The following JCHAIN variants were observed in gnomAD, a reference collection of about 807,000 sequenced individuals.
JCHAIN encodes immunoglobulin J chain.
A neutral mutation model predicts 11.1 loss-of-function variants in JCHAIN; 5 were observed. The observed-to-expected ratio is 0.45, with a 90% confidence interval of 0.24 to 0.95. The LOEUF (loss-of-function observed/expected upper bound fraction) is 0.95, where lower values mean the gene tolerates loss of function less well. Ranked by LOEUF, JCHAIN falls within the 40% of genes least tolerant of loss-of-function variation. JCHAIN has a pLI of 0.21. For missense variants in JCHAIN, 165 were observed against 192.7 expected (o/e 0.86, Z 0.85); for synonymous variants, 51 against 67.8 (o/e 0.75, Z 1.22).
At chr4:70,660,540 C>T (rs976884347) in intron 2 of JCHAIN, among the ~76,000 whole-genome samples, 9 of 151,982 alleles carry the variant, frequency 5.9e-5, no homozygotes, top group Non-Finnish European at 8.8e-5. Flanking sequence ...CCTGCCACCA[C>T]GCCCGGATAA....
chr4:70,664,309 C>T (rs1171979944), intron 1 of JCHAIN, among the ~76,000 whole-genome samples: 3 of 151,818 alleles, frequency 2.0e-5, no homozygotes, highest in African/African-American at 7.3e-5. Context: ...TGACCTTTAA[C>T]AATTCCTCTC....
intron 2 of JCHAIN, among the ~76,000 whole-genome samples, chr4:70,660,198 G>A (rs1217029657): frequency 6.6e-6 from 1 of 152,004 alleles, no homozygotes; most frequent in East Asian, 1.9e-4. Flanking sequence ...AAGCTATGTG[G>A]GCAGGATCTG....
At chr4:70,659,287 C>T (rs1490304284) in intron 2 of JCHAIN, among the ~76,000 whole-genome samples, 3 of 151,764 alleles carry the variant, frequency 2.0e-5, no homozygotes, top group Admixed American at 6.6e-5. Flanking sequence ...TGGTGGCTCA[C>T]GCCTGTAATC....
intron 2 of JCHAIN, among the ~76,000 whole-genome samples, chr4:70,660,530 C>G (rs1577979118): frequency 6.6e-6 from 1 of 151,976 alleles, no homozygotes; most frequent in African/African-American, 2.4e-5. Context: ...ATTACAGGCA[C>G]CTGCCACCAC....
chr4:70,657,799 G>A (rs1274244559), intron 2 of JCHAIN, among the ~76,000 whole-genome samples: 1 of 152,042 alleles, frequency 6.6e-6, no homozygotes, highest in Non-Finnish European at 1.5e-5. Context: ...TATGTGAAAT[G>A]GACAGACAGA....
chr4:70,659,035 AC>A (rs1739006089), intron 2 of JCHAIN, among the ~76,000 whole-genome samples: 1 of 152,354 alleles, frequency 6.6e-6, no homozygotes, highest in Non-Finnish European at 1.5e-5. Context: ...TCTTAATAAG[AC>A]TGTAAAGACT....
At chr4:70,665,727 T>C (rs1560412118) in intron 1 of JCHAIN, 1 of 153,458 alleles carries the variant, frequency 6.5e-6, no homozygotes, top group African/African-American at 2.4e-5. Context: ...GTATAAAATA[T>C]ATATATAAGG....
At chr4:70,656,650 G>A (rs2148527266) in intron 3 of JCHAIN, 111 bp from the exon 4 acceptor site, 1 of 735,596 alleles carries the variant, frequency 1.4e-6, no homozygotes, top group Non-Finnish European at 2.4e-6. Context: ...ATGACAGCAA[G>A]GGATGACTCC....
chr4:70,661,450 G>T (rs1447220414), intron 2 of JCHAIN, among the ~76,000 whole-genome samples: 1 of 152,166 alleles, frequency 6.6e-6, no homozygotes, highest in Non-Finnish European at 1.5e-5. Context: ...GTTATCTGAA[G>T]TTTCAGTTTG....
At chr4:70,662,646 A>G in intron 1 of JCHAIN, among the ~76,000 whole-genome samples, 1 of 152,322 alleles carries the variant, frequency 6.6e-6, no homozygotes, top group Non-Finnish European at 1.5e-5. Flanking sequence ...TTCAATTTAA[A>G]AAAAGGCTAT....
At chr4:70,661,158 A>T (rs1360804173) in intron 2 of JCHAIN, among the ~76,000 whole-genome samples, 1 of 152,226 alleles carries the variant, frequency 6.6e-6, no homozygotes, top group South Asian at 2.1e-4. Flanking sequence ...TTGATTGGGG[A>T]AAAACTATTA....
intron 1 of JCHAIN, among the ~76,000 whole-genome samples, chr4:70,662,715 C>A (rs934441387): frequency 1.3e-4 from 20 of 152,088 alleles, no homozygotes; most frequent in Non-Finnish European, 2.6e-4. Flanking sequence ...AATCCCAGGA[C>A]TTTGGGAGGC....
chr4:70,661,263 G>C (rs986036703), intron 2 of JCHAIN, among the ~76,000 whole-genome samples: 1 of 152,100 alleles, frequency 6.6e-6, no homozygotes, highest in African/African-American at 2.4e-5. Context: ...TATTGAAAAA[G>C]AGCTGTATAG....
chr4:70,663,471 AC>A (rs1232659766), intron 1 of JCHAIN: 1 of 152,138 alleles, frequency 6.6e-6, no homozygotes, highest in African/African-American at 2.4e-5. Flanking sequence ...TGCTGGGATT[AC>A]AGAGCCACCG....
In JCHAIN at chr4:70,666,499, C is replaced by T; in HGVS notation, c.-9G>A. 6.2e-7 allele frequency: 1 copy of T among 1,610,046 alleles called. No homozygotes were observed. Among genetic ancestry groups the T allele is most frequent in the Non-Finnish European group, 8.5e-7 (1 of 1,176,462 alleles). On this transcript the variant is annotated 5_prime_UTR_variant, in exon 1 of 4. Coordinates refer to ENST00000254801, the MANE Select transcript of JCHAIN (RefSeq NM_144646.4). Reference sequence around the variant, plus strand: ...AGCAAATGGTTCTTCATCTTGACTTCACTTCTTCTGAAAAACTGGAGCAAA... The same window carrying T: ...AGCAAATGGTTCTTCATCTTGACTTTACTTCTTCTGAAAAACTGGAGCAAA...
chr4:70,657,976 C>G (rs73824826), intron 2 of JCHAIN, among the ~76,000 whole-genome samples: 1 of 152,054 alleles, frequency 6.6e-6, no homozygotes, highest in Admixed American at 6.6e-5. Context: ...TTAACTTTAA[C>G]ATTTTTTTCA....
chr4:70,660,793 A>G (rs1401770101), intron 2 of JCHAIN, among the ~76,000 whole-genome samples: 1 of 152,198 alleles, frequency 6.6e-6, no homozygotes, highest in Non-Finnish European at 1.5e-5. Flanking sequence ...AATATATCCT[A>G]AGGTCAATGT....
At chr4:70,658,086 C>T (rs779966991) in intron 2 of JCHAIN, among the ~76,000 whole-genome samples, 10 of 152,088 alleles carry the variant, frequency 6.6e-5, no homozygotes, top group Non-Finnish European at 1.5e-4. Flanking sequence ...CCATCCAAGC[C>T]AAAAACCTGG....
In JCHAIN at chr4:70,666,343, A is replaced by T. The variant is rs573278772; in HGVS notation, c.64+84T>A. 2.9e-5 allele frequency: 27 copies of T among 935,336 alleles called. 1 individual carries two copies. In the Admixed American group the frequency reaches 4.7e-4, roughly 16 times the overall value. 57.9% of individuals were successfully genotyped at this position (935,336 alleles called of 1,614,324 possible). On this transcript the variant is annotated intron_variant, in intron 1 of 3. Coordinates refer to ENST00000254801, the MANE Select transcript of JCHAIN (RefSeq NM_144646.4). ...AGCTGGCTAACTGGCCAACCAAAGCATAGGCATAAATGTTTAAAACTGAAA... is the reference window on the plus strand; with the variant it reads ...AGCTGGCTAACTGGCCAACCAAAGCTTAGGCATAAATGTTTAAAACTGAAA...
Sources: gnomAD v4.1 joint callset for allele counts (sites outside exome capture counted in the v4.1 genomes callset) on GRCh38, gnomAD v4.1.1 for gene constraint, MANE v1.5 for transcripts, NCBI Gene and HGNC (gene_info 2026-07-23, HGNC 2026-07-21) for gene names.